Variants in GCNT1 observed in about 807,000 individuals in gnomAD.
GCNT1 encodes beta-1,3-galactosyl-O-glycosyl-glycoprotein beta-1,6-N-acetylglucosaminyltransferase.
GCNT1 carries 16 observed loss-of-function variants against 26.2 expected under a neutral mutation model. That is an observed-to-expected ratio of 0.61 (90% confidence interval 0.41 to 0.93). GCNT1 has a LOEUF of 0.93. GCNT1 is among the 40% of genes least tolerant of loss of function. GCNT1 has a pLI of 0.00. For missense variants in GCNT1, 477 were observed against 526.7 expected, an observed-to-expected ratio of 0.91 and a Z score of 0.92; for synonymous variants, 183 against 190.8, an observed-to-expected ratio of 0.96 and a Z score of 0.34.
chr9:76,431,631 T>C (rs2131576987), intron 1 of GCNT1, among the ~76,000 whole-genome samples: 1 of 152,310 alleles, frequency 6.6e-6, no homozygotes, highest in East Asian at 1.9e-4. Flanking sequence ...ATTTAATCAC[T>C]GTCCACTTGA....
At chr9:76,483,278 C>G (rs754595251) in intron 2 of GCNT1, among the ~76,000 whole-genome samples, 15 of 152,136 alleles carry the variant, frequency 9.9e-5, no homozygotes, top group Non-Finnish European at 1.9e-4. Flanking sequence ...CTGCATAGCC[C>G]TGAAGTTAAC....
At chr9:76,484,964 T>G (rs1040079854) in intron 2 of GCNT1, among the ~76,000 whole-genome samples, 6 of 151,502 alleles carry the variant, frequency 4.0e-5, no homozygotes, top group East Asian at 4.0e-4. Flanking sequence ...AATTTTTGTA[T>G]TTTTAGTAAA....
rs559928168 is a variant in GCNT1, at chr9:76,503,391, C to T, written c.1010C>T (p.Pro337Leu). ...QRIPEVPGSL[P>L]ASHKYDLSDM... Reference sequence around the variant, plus strand: ...ATTCCTGAAGTCCCGGGCTCACTCCCTGCCAGCCATAAGTATGATCTGTCT... The same window carrying T: ...ATTCCTGAAGTCCCGGGCTCACTCCTTGCCAGCCATAAGTATGATCTGTCT... Residue 337 changes from proline (P) to leucine (L), a missense_variant, in exon 4 of 4, where the codon CCT becomes CTT. Pro to Leu is a moderately conservative substitution (Grantham distance 98, BLOSUM62 -3). Transcript: ENST00000376730. 6.2e-7 allele frequency: 1 copy of T among 1,614,168 alleles called. No homozygotes were observed. Among genetic ancestry groups the T allele is most frequent in the Non-Finnish European group, 8.5e-7 (1 of 1,180,020 alleles).
the GCNT1 span, chr9:76,399,232 G>A: frequency 3.3e-6 from 5 of 1,501,046 alleles, no homozygotes; most frequent in Non-Finnish European, 4.6e-6. Flanking sequence ...GGTAGATGCT[G>A]GCTCGGGAAG....
intron 2 of GCNT1, among the ~76,000 whole-genome samples, chr9:76,462,090 C>T (rs1823883136): frequency 6.6e-6 from 1 of 151,506 alleles, no homozygotes; most frequent in South Asian, 2.1e-4. Context: ...ATGATCCCTT[C>T]TGACTGTCAA....
In GCNT1 at chr9:76,502,938, T is replaced by A. The variant is rs754231347; in HGVS notation, c.557T>A (p.Val186Asp). The A allele has an allele frequency of 6.2e-6, 10 of 1,613,192 alleles. No individual in the cohort carries two copies. The South Asian group carries it at 1.1e-4, about 18-fold the overall frequency. The change falls in exon 4 of 4, where the codon GTT becomes GAT. Residue 186 changes from valine to aspartate, a missense_variant. Physicochemically the swap from Val to Asp is radical, Grantham distance 152. Coordinates refer to ENST00000376730, the MANE Select transcript of GCNT1 (RefSeq NM_001490.5). ...GTGGCCAGCCGATTGGAGAGTGTGG[T>A]TTATGCATCGTGGAGCCGGGTTCAG... Reference protein sequence around the residue: ...VFVASRLESVVYASWSRVQAD... With the variant: ...VFVASRLESVDYASWSRVQAD...
At chr9:76,398,440 G>A in the GCNT1 span, among the ~76,000 whole-genome samples, 1 of 152,230 alleles carries the variant, frequency 6.6e-6, no homozygotes, top group African/African-American at 2.4e-5. Context: ...ACCATGTAGA[G>A]CAACAGGAAC....
chr9:76,394,446 G>C, the GCNT1 span: 1 of 365,352 alleles, frequency 2.7e-6, no homozygotes, highest in Non-Finnish European at 4.9e-6. Flanking sequence ...GAGCGGGGTG[G>C]GGGGAGGGGG....
At chr9:76,489,276 C>CCATAAT (rs1420500705) in intron 2 of GCNT1, among the ~76,000 whole-genome samples, 2 of 152,200 alleles carry the variant, frequency 1.3e-5, no homozygotes, top group African/African-American at 2.4e-5. Flanking sequence ...ATTGGTCAAA[C>CCATAAT]CATAATCATA....
chr9:76,442,015 T>C (rs1823490695), exon 1 of GCNT1: 2 of 152,206 alleles, frequency 1.3e-5, no homozygotes, highest in African/African-American at 2.4e-5. Flanking sequence ...ACAGCTTAAC[T>C]CTGTTCCATG....
chr9:76,440,001 TG>T (rs1823462226), upstream of GCNT1, among the ~76,000 whole-genome samples: 1 of 151,570 alleles, frequency 6.6e-6, no homozygotes, highest in African/African-American at 2.4e-5. Context: ...CTTGGGAGGC[TG>T]AGGCAGGAGA....
At chr9:76,431,800 A>G (rs1425827867) in intron 1 of GCNT1, among the ~76,000 whole-genome samples, 1 of 152,090 alleles carries the variant, frequency 6.6e-6, no homozygotes, top group Non-Finnish European at 1.5e-5. Flanking sequence ...TTAACACAAC[A>G]AAGACTCCTA....
chr9:76,474,160 C>T (rs1242994351), intron 2 of GCNT1, among the ~76,000 whole-genome samples: 1 of 152,012 alleles, frequency 6.6e-6, no homozygotes, highest in Non-Finnish European at 1.5e-5. Flanking sequence ...CAAAGTGAAA[C>T]CTTGATGATG....
intron 1 of GCNT1, 58 bp from the exon 2 acceptor site, chr9:76,460,002 G>A (rs1241865592): frequency 5.3e-5 from 8 of 152,074 alleles, no homozygotes; most frequent in Non-Finnish European, 8.8e-5. Flanking sequence ...CCAAGTTTTG[G>A]TTATTAGGTT....
chr9:76,420,064 C>T (rs76307161), intron 1 of GCNT1: 6 of 152,376 alleles, frequency 3.9e-5, no homozygotes, highest in African/African-American at 1.4e-4. Context: ...CAAAAGTCCA[C>T]CAAATTTCTG....
At chr9:76,497,512 T>TCTTTATAGACACTTTATAGACA (rs1347981485) in intron 2 of GCNT1, among the ~76,000 whole-genome samples, 15 of 152,258 alleles carry the variant, frequency 9.9e-5, no homozygotes, top group African/African-American at 3.6e-4. Flanking sequence ...ATATTTAGCT[T>TCTTTATAGACACTTTATAGACA]CTTTATAGAC....
intron 2 of GCNT1, among the ~76,000 whole-genome samples, chr9:76,467,288 C>T (rs1002140754): frequency 1.3e-5 from 2 of 152,158 alleles, no homozygotes; most frequent in African/African-American, 2.4e-5. Flanking sequence ...GTGATCCACC[C>T]GCCTTGGCCT....
chr9:76,403,408 C>T, the GCNT1 span, among the ~76,000 whole-genome samples: 1 of 152,146 alleles, frequency 6.6e-6, no homozygotes, highest in Non-Finnish European at 1.5e-5. Context: ...TATGCAAATG[C>T]AATGTTAAAT....
At chr9:76,424,762 C>T (rs1309818061) in intron 1 of GCNT1, among the ~76,000 whole-genome samples, 1 of 152,174 alleles carries the variant, frequency 6.6e-6, no homozygotes, top group Non-Finnish European at 1.5e-5. Context: ...TCATTCACCA[C>T]ACCTCAGAAA....
Sources: allele counts gnomAD v4.1 joint callset (sites outside exome capture counted in the v4.1 genomes callset), GRCh38; gene constraint gnomAD v4.1.1; transcripts MANE v1.5; gene names NCBI Gene and HGNC (gene_info 2026-07-23, HGNC 2026-07-21).